KMO: variants seen among roughly 807,000 people sequenced by gnomAD.
KMO encodes kynurenine 3-hydroxylase.
In KMO, 24 loss-of-function variants were observed where a neutral mutation model predicts 57.8. That is an observed-to-expected ratio of 0.42 (90% CI 0.30 to 0.58). The LOEUF is 0.58. Ranked by LOEUF, KMO falls within the 20% of genes least tolerant of loss-of-function variation. The pLI, the probability that KMO is intolerant of heterozygous loss-of-function variation, is 0.22. For synonymous variants in KMO, 210 were observed against 193.6 expected (o/e 1.08, Z -0.70); for missense variants, 483 against 588.2 (o/e 0.82, Z 1.85).
chr1:241,580,361 G>T (rs1054949616), intron 10 of KMO, among the ~76,000 whole-genome samples: 18 of 152,094 alleles, frequency 1.2e-4, no homozygotes, highest in African/African-American at 4.3e-4. Flanking sequence ...TAGGGGGAAA[G>T]ATTTTTTCTT....
chr1:241,535,682 T>C (rs1248169764), intron 1 of KMO, among the ~76,000 whole-genome samples: 1 of 152,154 alleles, frequency 6.6e-6, no homozygotes, highest in African/African-American at 2.4e-5. Flanking sequence ...GATGTTAAAA[T>C]AGCATTTCAA....
rs1011581835 is a variant in KMO, at chr1:241,593,340, C to T, written c.*1187C>T. 1.4e-5 allele frequency: 6 copies of T among 429,146 alleles called. No homozygotes were observed. Among genetic ancestry groups the T allele is most frequent in the Non-Finnish European group, 2.5e-5 (5 of 197,642 alleles). The allele number at this position is 429,146 out of a possible 1,614,324, so 26.6% of individuals were successfully genotyped here. ...AAAAGCACATTTAGTGAAATGTTTTCTTTGGTTCATCCTTCTTTAACAGGC... is the reference window on the plus strand; with the variant it reads ...AAAAGCACATTTAGTGAAATGTTTTTTTTGGTTCATCCTTCTTTAACAGGC... On this transcript the variant is annotated 3_prime_UTR_variant, in exon 15 of 15. Coordinates refer to ENST00000366559, the MANE Select transcript of KMO (RefSeq NM_003679.5).
intron 10 of KMO, among the ~76,000 whole-genome samples, chr1:241,579,419 G>A (rs1662666679): frequency 6.6e-6 from 1 of 152,088 alleles, no homozygotes; most frequent in African/African-American, 2.4e-5. Context: ...CATGCAAGCA[G>A]CATTCCCTGT....
chr1:241,592,097 T>C lies in KMO; in HGVS notation c.1405T>C (p.Phe469Leu), dbSNP rs1663328556. The part of the protein sequence containing the change: ...WIAHFRNTTC[F>L]PAKAVDSLEQ... Reference sequence around the variant, plus strand: ...AGCTCACTTCCGGAATACAACATGTTTCCCCGCAAAGGCCGTGGACTCCCT... The same window carrying C: ...AGCTCACTTCCGGAATACAACATGTCTCCCCGCAAAGGCCGTGGACTCCCT... Residue 469 changes from phenylalanine (F) to leucine (L), a missense_variant, in exon 15 of 15, where the codon TTC (phenylalanine) becomes CTC (leucine). Coordinates refer to ENST00000366559, the MANE Select transcript of KMO (RefSeq NM_003679.5). The C allele has an allele frequency of 6.2e-7, 1 of 1,613,940 alleles. No individual in the cohort carries two copies. Among genetic ancestry groups the C allele is most frequent in the Non-Finnish European group, 8.5e-7 (1 of 1,179,976 alleles).
intron 1 of KMO, among the ~76,000 whole-genome samples, chr1:241,537,308 C>G (rs1436578055): frequency 6.6e-6 from 1 of 152,178 alleles, no homozygotes; most frequent in Non-Finnish European, 1.5e-5. Flanking sequence ...TTTTCACTTT[C>G]CCTGAAGTAA....
intron 1 of KMO, among the ~76,000 whole-genome samples, chr1:241,542,665 T>C (rs1374483958): frequency 6.6e-6 from 1 of 152,250 alleles, no homozygotes; most frequent in Non-Finnish European, 1.5e-5. Context: ...GTTTTGTTTC[T>C]CCCAGCTGTC....
intron 10 of KMO, among the ~76,000 whole-genome samples, chr1:241,582,244 GCCT>G (rs1018506283): frequency 2.0e-5 from 3 of 151,992 alleles, no homozygotes; most frequent in Non-Finnish European, 4.4e-5. Context: ...CTTTGATGTA[GCCT>G]TATTTGGCTT....
At position 241,594,099 on chromosome 1, in the gene KMO, A is replaced by G. The variant is rs1663419536; in HGVS notation, c.*1946A>G. 3.9e-6 allele frequency: 1 copy of G among 258,104 alleles called. No homozygotes were observed. 16.0% of individuals were successfully genotyped at this position (258,104 alleles called of 1,614,324 possible). On this transcript the variant is annotated 3_prime_UTR_variant, in exon 15 of 15. Transcript: ENST00000366559. ...TTTTACAGTAAGGTATTTTCGAGAA[A>G]AATGCATTACGTGTTTTGGAAAATA...
intron 10 of KMO, among the ~76,000 whole-genome samples, chr1:241,584,862 GCTC>G: frequency 6.6e-6 from 1 of 152,192 alleles, no homozygotes; most frequent in African/African-American, 2.4e-5. Context: ...TTAAATCCTG[GCTC>G]CAGAATTTAC....
intron 5 of KMO, among the ~76,000 whole-genome samples, chr1:241,557,587 A>ACTGCCTTTTGGAT (rs2147956669): frequency 6.6e-6 from 1 of 152,290 alleles, no homozygotes; most frequent in East Asian, 1.9e-4. Flanking sequence ...TTCCTTAGTT[A>ACTGCCTTTTGGAT]TATTTGTCAG....
chr1:241,574,632 G>A (rs116590661), intron 10 of KMO, among the ~76,000 whole-genome samples: 1,590 of 151,966 alleles, frequency 0.01, 27 homozygotes, highest in African/African-American at 0.035. Flanking sequence ...TGAACATAGT[G>A]TATTATCTTT....
chr1:241,539,963 C>G (rs1461887527), intron 1 of KMO, among the ~76,000 whole-genome samples: 2 of 152,178 alleles, frequency 1.3e-5, no homozygotes, highest in Non-Finnish European at 2.9e-5. Flanking sequence ...AATATAAGCA[C>G]ACTGCCTACA....
At chr1:241,566,121 G>A (rs931648099) in intron 8 of KMO, among the ~76,000 whole-genome samples, 2 of 152,152 alleles carry the variant, frequency 1.3e-5, no homozygotes, top group African/African-American at 2.4e-5. Flanking sequence ...CAGGAGAATC[G>A]CTTGAACCTG....
chr1:241,576,725 T>G (rs557919268), intron 10 of KMO, among the ~76,000 whole-genome samples: 1 of 152,266 alleles, frequency 6.6e-6, no homozygotes, highest in South Asian at 2.1e-4. Flanking sequence ...ACATACACCT[T>G]GGTGATGTTC....
intron 10 of KMO, among the ~76,000 whole-genome samples, chr1:241,575,157 A>G (rs373042840): frequency 6.6e-6 from 1 of 151,866 alleles, no homozygotes; most frequent in African/African-American, 2.4e-5. Context: ...ATCTTCTCTT[A>G]TATTTTCTTG....
At chr1:241,586,793 G>A (rs1021698892) in intron 11 of KMO, 57 bp downstream of exon 11, 11 of 1,201,504 alleles carry the variant, frequency 9.2e-6, no homozygotes, top group Middle Eastern at 2.0e-4. Flanking sequence ...CTAATTGTGG[G>A]CTTATTTCTG....
At chr1:241,579,401 G>C (rs981701110) in intron 10 of KMO, among the ~76,000 whole-genome samples, 1 of 152,016 alleles carries the variant, frequency 6.6e-6, no homozygotes, top group African/African-American at 2.4e-5. Context: ...AGTTGTGCTG[G>C]GCAGGTCCAT....
At chr1:241,551,135 C>G in intron 4 of KMO, 91 bp downstream of exon 4, 1 of 734,016 alleles carries the variant, frequency 1.4e-6, no homozygotes, top group Non-Finnish European at 2.3e-6. Context: ...CTCTCTCCAG[C>G]CCTATCTCTG....
chr1:241,549,573 T>C lies in KMO; in HGVS notation c.125-104T>C, dbSNP rs144762250. The C allele has an allele frequency of 1.5e-4, 84 of 575,178 alleles. No individual in the cohort carries two copies. In the African/African-American group the frequency reaches 1.5e-3, roughly 10 times the overall value. The allele number at this position is 575,178 out of a possible 1,614,324, so 35.6% of individuals were successfully genotyped here. On this transcript the variant is annotated intron_variant, in intron 2 of 14. Transcript: ENST00000366559. ...TCTTTAGAAGAGTTAAGAAGTTCTTTAATGTGGTTCCGAATGAACCAGTTG... is the reference window on the plus strand; with the variant it reads ...TCTTTAGAAGAGTTAAGAAGTTCTTCAATGTGGTTCCGAATGAACCAGTTG...
Sources: gnomAD v4.1 joint callset for allele counts (sites outside exome capture counted in the v4.1 genomes callset) on GRCh38, gnomAD v4.1.1 for gene constraint, MANE v1.5 for transcripts, NCBI Gene and HGNC (gene_info 2026-07-23, HGNC 2026-07-21) for gene names.